THSD7B: variants seen among roughly 807,000 people sequenced by gnomAD.
THSD7B encodes thrombospondin type 1 domain containing 7B.
A neutral mutation model predicts 213.6 loss-of-function variants in THSD7B; 138 were observed. That is an observed-to-expected ratio of 0.65 (90% confidence interval 0.56 to 0.74). THSD7B has a LOEUF of 0.74. Among genes scored for constraint, THSD7B ranks in the 30% least tolerant of loss-of-function variants. The pLI, the probability that THSD7B is intolerant of heterozygous loss-of-function variation, is 0.00. For synonymous variants in THSD7B, 742 were observed against 687.0 expected (o/e 1.08, Z -1.25); for missense variants, 1,931 against 1,991.5 (o/e 0.97, Z 0.58).
At chr2:137,472,111 A>G (rs923420473) in intron 15 of THSD7B, among the ~76,000 whole-genome samples, 1 of 152,192 alleles carries the variant, frequency 6.6e-6, no homozygotes, top group African/African-American at 2.4e-5. Context: ...CCTCCTGTTC[A>G]TATTGCAGTG....
chr2:137,103,520 T>C (rs142471153), intron 4 of THSD7B, among the ~76,000 whole-genome samples: 3,970 of 152,198 alleles, frequency 0.026, 71 homozygotes, highest in Non-Finnish European at 0.033. Flanking sequence ...CAGGATCAAA[T>C]TCATACATAA....
chr2:136,947,818 T>G (rs1684970188), intron 2 of THSD7B, among the ~76,000 whole-genome samples: 2 of 150,396 alleles, frequency 1.3e-5, no homozygotes, highest in South Asian at 4.2e-4. Context: ...CATTTTTCTC[T>G]GGTCTCTGGT....
At chr2:137,076,353 A>G (rs1687622478) in intron 3 of THSD7B, among the ~76,000 whole-genome samples, 7 of 152,208 alleles carry the variant, frequency 4.6e-5, no homozygotes, top group Non-Finnish European at 1.5e-5. Flanking sequence ...TGTTCTAGCA[A>G]TAAGCGAGAC....
chr2:137,547,549 A>G (rs1455738997), intron 15 of THSD7B, among the ~76,000 whole-genome samples: 1 of 152,020 alleles, frequency 6.6e-6, no homozygotes, highest in Non-Finnish European at 1.5e-5. Context: ...CCAAACTACA[A>G]TGAAGTAATA....
intron 12 of THSD7B, among the ~76,000 whole-genome samples, chr2:137,299,490 G>A (rs1461449089): frequency 1.3e-5 from 2 of 152,026 alleles, no homozygotes; most frequent in African/African-American, 2.4e-5. Context: ...GAGGGGCCGG[G>A]GTGGAGTGAT....
intron 1 of THSD7B, among the ~76,000 whole-genome samples, chr2:136,864,616 G>A (rs1407447229): frequency 2.6e-5 from 4 of 151,292 alleles, no homozygotes; most frequent in Non-Finnish European, 4.4e-5. Flanking sequence ...GCAGTGGTGC[G>A]ATCTCAGCTC....
intron 2 of THSD7B, among the ~76,000 whole-genome samples, chr2:136,985,551 C>G (rs1461824260): frequency 6.6e-6 from 1 of 152,208 alleles, no homozygotes; most frequent in East Asian, 1.9e-4. Flanking sequence ...CAGCTTCCCC[C>G]TAGATTTCAG....
chr2:137,259,922 T>C (rs1682401960), intron 10 of THSD7B, among the ~76,000 whole-genome samples: 1 of 151,894 alleles, frequency 6.6e-6, no homozygotes, highest in South Asian at 2.1e-4. Context: ...TGTGTGTGCG[T>C]GTGGGTGTGT....
intron 1 of THSD7B, among the ~76,000 whole-genome samples, chr2:136,833,431 C>CTTTTTTT (rs1232590751): frequency 1.5e-4 from 4 of 27,158 alleles, no homozygotes; most frequent in East Asian, 1.3e-3. Context: ...TGATTATTTT[C>CTTTTTTT]TATTTTTTTT....
chr2:136,784,300 T>C (rs1681799396), intron 1 of THSD7B, among the ~76,000 whole-genome samples: 1 of 152,246 alleles, frequency 6.6e-6, no homozygotes, highest in African/African-American at 2.4e-5. Context: ...GCACAGACTC[T>C]GCAAGATGGA....
At chr2:137,602,513 C>T (rs979818197) in intron 17 of THSD7B, among the ~76,000 whole-genome samples, 2 of 152,066 alleles carry the variant, frequency 1.3e-5, no homozygotes, top group Admixed American at 6.6e-5. Context: ...CGTGATCCAC[C>T]CACCTTCGCC....
intron 21 of THSD7B, among the ~76,000 whole-genome samples, chr2:137,648,576 T>C (rs2104810513): frequency 6.6e-6 from 1 of 152,312 alleles, no homozygotes; most frequent in East Asian, 1.9e-4. Flanking sequence ...TATGGTTGAG[T>C]AATAGTCCAT....
intron 1 of THSD7B, among the ~76,000 whole-genome samples, chr2:136,771,568 C>T (rs1681505180): frequency 6.6e-6 from 1 of 152,142 alleles, no homozygotes; most frequent in Non-Finnish European, 1.5e-5. Context: ...TTTCCCTACT[C>T]CTGTGGTCCC....
At chr2:137,185,489 G>T (rs960285760) in intron 7 of THSD7B, among the ~76,000 whole-genome samples, 3 of 152,112 alleles carry the variant, frequency 2.0e-5, no homozygotes, top group African/African-American at 7.2e-5. Flanking sequence ...GTGAGGATAT[G>T]CAGTATTTGG....
intron 12 of THSD7B, among the ~76,000 whole-genome samples, chr2:137,286,296 A>G (rs1683177308): frequency 6.6e-6 from 1 of 152,120 alleles, no homozygotes; most frequent in Non-Finnish European, 1.5e-5. Flanking sequence ...AGAGAAGGTT[A>G]AAGATATTAC....
chr2:137,614,432 C>G (rs1340919880), intron 17 of THSD7B, among the ~76,000 whole-genome samples: 3 of 151,984 alleles, frequency 2.0e-5, no homozygotes, highest in African/African-American at 7.2e-5. Flanking sequence ...GGTACCTAAG[C>G]CTTTACATGT....
At chr2:137,672,638 G>T (rs1683602169) in intron 27 of THSD7B, among the ~76,000 whole-genome samples, 1 of 152,172 alleles carries the variant, frequency 6.6e-6, no homozygotes, top group Admixed American at 6.5e-5. Context: ...AGAGTTACAG[G>T]ATGACAGTTT....
intron 3 of THSD7B, among the ~76,000 whole-genome samples, chr2:137,082,258 A>T (rs941409736): frequency 6.6e-6 from 1 of 152,072 alleles, no homozygotes; most frequent in Non-Finnish European, 1.5e-5. Flanking sequence ...CATACTGGGT[A>T]ATCTGTCAGA....
intron 12 of THSD7B, among the ~76,000 whole-genome samples, chr2:137,351,517 A>AG (rs1362718378): frequency 6.6e-6 from 1 of 151,988 alleles, no homozygotes; most frequent in East Asian, 1.9e-4. Context: ...CATTTCCACT[A>AG]GGGATCATTT....
Sources: gnomAD v4.1 joint callset for allele counts (sites outside exome capture counted in the v4.1 genomes callset) on GRCh38, gnomAD v4.1.1 for gene constraint, MANE v1.5 for transcripts, NCBI Gene and HGNC (gene_info 2026-07-23, HGNC 2026-07-21) for gene names.